The following TMEM63A variants were observed in gnomAD, a reference collection of about 807,000 sequenced individuals.
The protein encoded by TMEM63A is transmembrane protein 63A.
TMEM63A carries 76 observed loss-of-function variants against 100.6 expected under a neutral mutation model. The observed-to-expected ratio is 0.76, with a 90% confidence interval of 0.63 to 0.91. TMEM63A has a LOEUF of 0.91. TMEM63A is among the 40% of genes least tolerant of loss of function. TMEM63A has a pLI of 0.00. For missense variants in TMEM63A, 876 were observed against 1,008.8 expected, an observed-to-expected ratio of 0.87 and a Z score of 1.78; for synonymous variants, 401 against 401.1, an observed-to-expected ratio of 1.00 and a Z score of 0.00.
downstream of TMEM63A, chr1:225,844,735 C>T (rs772152200): frequency 8.6e-6 from 13 of 1,504,098 alleles, no homozygotes; most frequent in South Asian, 1.2e-5. Flanking sequence ...GCCTTGCCTG[C>T]AGGTGCCCCA....
chr1:225,858,239 TTGAG>T (rs1669735792), intron 15 of TMEM63A, among the ~76,000 whole-genome samples: 1 of 152,136 alleles, frequency 6.6e-6, no homozygotes, highest in Non-Finnish European at 1.5e-5. Context: ...TAGATGCCAG[TTGAG>T]TGAGTGTTTG....
At chr1:225,873,873 A>C (rs1294943208) in intron 4 of TMEM63A, among the ~76,000 whole-genome samples, 1 of 152,224 alleles carries the variant, frequency 6.6e-6, no homozygotes, top group Non-Finnish European at 1.5e-5. Context: ...TCAGAGGATG[A>C]CGAAAGCCCT....
intron 20 of TMEM63A, 150 bp downstream of exon 20, chr1:225,852,514 G>C: frequency 1.5e-6 from 1 of 670,474 alleles, no homozygotes; most frequent in Non-Finnish European, 2.6e-6. Flanking sequence ...GTGAAATCTG[G>C]TGTCACGTGA....
chr1:225,848,901 T>C lies in TMEM63A; in HGVS notation c.2183A>G (p.Tyr728Cys). 6.3e-7 allele frequency: 1 copy of C among 1,585,510 alleles called. No individual in the cohort carries two copies. Among genetic ancestry groups the C allele is most frequent in the Non-Finnish European group, 8.6e-7 (1 of 1,166,474 alleles). The change falls in exon 22 of 25, where the codon TAC becomes TGC. Residue 728 changes from tyrosine (Y) to cysteine (C), a missense_variant. Around this residue, in one of 5 missense-constraint regions of TMEM63A, gnomAD observed 339 missense variants for 342.3 expected, o/e 0.99. Transcript: ENST00000366835. ...GCFKHLSPLNYKTEEPASDKG... is the reference protein window; with the variant it reads ...GCFKHLSPLNCKTEEPASDKG... ...AGTGGGGTCGGGGGCCTTTACTTTG[T>C]AGTTCAGAGGGCTGAGGTGCTTGAA...
downstream of TMEM63A, among the ~76,000 whole-genome samples, chr1:225,843,763 C>T (rs1668643946): frequency 6.6e-6 from 1 of 152,166 alleles, no homozygotes; most frequent in Non-Finnish European, 1.5e-5. Flanking sequence ...GCGGGCAGAG[C>T]TGAAAGGGAG....
chr1:225,859,424 G>T, intron 14 of TMEM63A, 75 bp from the exon 15 acceptor site: 2 of 1,568,008 alleles, frequency 1.3e-6, no homozygotes, highest in South Asian at 2.4e-5. Context: ...CAGAAGGTCA[G>T]ATTTAGGCAG....
rs1292256511 is a variant in TMEM63A at position 225,860,991 on chromosome 1, C to A, written c.1092G>T (p.Leu364=). ...FQEKSMATYI[L]KDFNACKCQS... ...GACACTTGCAGGCATTGAAATCTTTCAGGATGCTGCAAGGAAATGTAGCAA... is the reference window on the plus strand; with the variant it reads ...GACACTTGCAGGCATTGAAATCTTTAAGGATGCTGCAAGGAAATGTAGCAA... Residue 364 remains leucine, a synonymous_variant, in exon 14 of 25, where the codon CTG becomes CTT. Transcript: ENST00000366835. 1 of 1,609,632 alleles carries A rather than the reference C, an allele frequency of 6.2e-7. No individual in the cohort carries two copies. The highest frequency in any genetic ancestry group is 8.5e-7 in the Non-Finnish European group (1 of 1,177,804).
chr1:225,848,756 G>A (rs1172043832), intron 22 of TMEM63A, 141 bp downstream of exon 22: 20 of 839,582 alleles, frequency 2.4e-5, no homozygotes, highest in Admixed American at 6.7e-5. Flanking sequence ...AACCACCCAC[G>A]CCTTTCCCAT....
intron 6 of TMEM63A, among the ~76,000 whole-genome samples, chr1:225,869,517 T>C (rs998122139): frequency 6.6e-6 from 1 of 152,210 alleles, no homozygotes; most frequent in African/African-American, 2.4e-5. Flanking sequence ...TTCCTTTGAA[T>C]TAGGCTGAGC....
In TMEM63A at chr1:225,871,120, A is replaced by T. The variant is rs1265667745; in HGVS notation, c.334-7T>A. 1 of 1,613,806 alleles carries T rather than the reference A, an allele frequency of 6.2e-7. No individual in the cohort carries two copies. Among genetic ancestry groups the T allele is most frequent in the Admixed American group, 1.7e-5 (1 of 60,026 alleles). On this transcript the variant is annotated splice_region_variant and splice_polypyrimidine_tract_variant and intron_variant, in intron 5 of 24. Transcript: ENST00000366835. ...TCAGCCAGGGACAGCATCCCTGGAA[A>T]CGGAGAGAACAGGGATTAGCTTCCA...
chr1:225,851,736 C>T (rs1669351441), intron 20 of TMEM63A, among the ~76,000 whole-genome samples: 1 of 152,244 alleles, frequency 6.6e-6, no homozygotes, highest in Non-Finnish European at 1.5e-5. Flanking sequence ...TAAAACTACA[C>T]AAGAAAGTAT....
At chr1:225,852,425 G>A (rs1034297179) in intron 20 of TMEM63A, among the ~76,000 whole-genome samples, 36 of 152,214 alleles carry the variant, frequency 2.4e-4, no homozygotes, top group African/African-American at 8.0e-4. Flanking sequence ...GGTGGGGGTT[G>A]CAGTAAGCCA....
intron 4 of TMEM63A, among the ~76,000 whole-genome samples, chr1:225,873,394 C>T (rs1302178042): frequency 2.6e-5 from 4 of 152,188 alleles, no homozygotes; most frequent in Non-Finnish European, 5.9e-5. Context: ...TACACCTCCT[C>T]TTCCCAGTTC....
At chr1:225,877,647 C>G in intron 2 of TMEM63A, 53 bp from the exon 3 acceptor site, 1 of 1,521,676 alleles carries the variant, frequency 6.6e-7, no homozygotes, top group Admixed American at 1.9e-5. Context: ...AAATTTCTTG[C>G]AGGTTCCCAC....
chr1:225,874,714 C>T (rs1462992074), intron 3 of TMEM63A, among the ~76,000 whole-genome samples: 1 of 152,268 alleles, frequency 6.6e-6, no homozygotes, highest in Non-Finnish European at 1.5e-5. Context: ...GCTCTGCCTT[C>T]AGTGGCCCCG....
At chr1:225,847,893 C>T (rs1054164956) in intron 23 of TMEM63A, among the ~76,000 whole-genome samples, 3 of 152,154 alleles carry the variant, frequency 2.0e-5, no homozygotes, top group Non-Finnish European at 2.9e-5. Flanking sequence ...GTCCTGGCCA[C>T]GGCTGTCAGG....
At chr1:225,844,513 C>T (rs140207745), downstream of TMEM63A, 29 of 1,614,122 alleles carry the variant, frequency 1.8e-5, no homozygotes, top group East Asian at 8.9e-5. Context: ...TCTCCCTGGA[C>T]GACCTGCTGA....
chr1:225,853,903 C>A lies in TMEM63A; in HGVS notation c.1635-112G>T. 9.5e-7 allele frequency: 1 copy of A among 1,057,020 alleles called. No individual in the cohort carries two copies. The allele number at this position is 1,057,020 out of a possible 1,614,324, so 65.5% of individuals were successfully genotyped here. ...CCCCTGGGAGGGCTGTATACTCTTC[C>A]GTTCATTCAGCACATATTTGGGAAA... On this transcript the variant is annotated intron_variant, in intron 18 of 24. Transcript: ENST00000366835. This position sits in a 1 kb window ranked among gnomAD's most constrained non-coding sequence, Gnocchi z 4.0.
intron 5 of TMEM63A, 82 bp from the exon 6 acceptor site, chr1:225,871,195 T>C (rs373637654): frequency 2.2e-6 from 3 of 1,379,994 alleles, no homozygotes; most frequent in Non-Finnish European, 3.0e-6. Context: ...TGACATTAAA[T>C]AACCATTTAA....
Sources: gnomAD v4.1 joint callset for allele counts (sites outside exome capture counted in the v4.1 genomes callset) on GRCh38, gnomAD v4.1.1 for gene constraint, gnomAD v4.1.1 regional missense constraint, Gnocchi (gnomAD v3.1) non-coding constraint, MANE v1.5 for transcripts, NCBI Gene and HGNC (gene_info 2026-07-23, HGNC 2026-07-21) for gene names.